The following SHISA9 variants were observed in gnomAD, a reference collection of about 807,000 sequenced individuals.
SHISA9 encodes the protein shisa family member 9.
A neutral mutation model predicts 38.0 loss-of-function variants in SHISA9; 13 were observed. The ratio of observed to expected loss-of-function variants is 0.34; its 90% CI spans 0.22 to 0.54. The LOEUF is 0.54. Among genes scored for constraint, SHISA9 ranks in the 20% least tolerant of loss-of-function variants. SHISA9 has a pLI of 0.91. For missense variants in SHISA9, 538 were observed against 575.8 expected, an observed-to-expected ratio of 0.93 and a Z score of 0.67; for synonymous variants, 275 against 242.0, an observed-to-expected ratio of 1.14 and a Z score of -1.27.
intron 2 of SHISA9, among the ~76,000 whole-genome samples, chr16:13,186,547 C>G (rs901337655): frequency 4.6e-5 from 7 of 152,126 alleles, no homozygotes; most frequent in African/African-American, 1.7e-4. Flanking sequence ...ACACCCGCCT[C>G]TGCCTCCCAA....
At chr16:13,293,676 T>C in the SHISA9 span, among the ~76,000 whole-genome samples, 1 of 152,246 alleles carries the variant, frequency 6.6e-6, no homozygotes, top group African/African-American at 2.4e-5. Context: ...CAGTCTAAGT[T>C]GAAGCCAACA....
intron 2 of SHISA9, among the ~76,000 whole-genome samples, chr16:13,037,306 C>G (rs950902080): frequency 2.0e-5 from 3 of 151,980 alleles, no homozygotes; most frequent in Non-Finnish European, 2.9e-5. Flanking sequence ...TACATTTTCC[C>G]AAGCCTCTGG....
the SHISA9 span, among the ~76,000 whole-genome samples, chr16:13,407,072 A>C: frequency 1.7e-5 from 1 of 59,048 alleles, no homozygotes; most frequent in East Asian, 3.3e-4. Context: ...CTGTCTCACA[A>C]AAAAAAAAAA....
chr16:13,260,228 G>C, the SHISA9 span, among the ~76,000 whole-genome samples: 1 of 151,642 alleles, frequency 6.6e-6, no homozygotes, highest in African/African-American at 2.4e-5. Context: ...GTGTTGGCCA[G>C]GATGGTCTTG....
At chr16:13,253,329 T>C in the SHISA9 span, among the ~76,000 whole-genome samples, 1 of 152,176 alleles carries the variant, frequency 6.6e-6, no homozygotes, top group Non-Finnish European at 1.5e-5. Context: ...GTGCATCTCT[T>C]CTACTATCAT....
At chr16:13,545,812 A>G in the SHISA9 span, among the ~76,000 whole-genome samples, 8 of 152,138 alleles carry the variant, frequency 5.3e-5, no homozygotes, top group Non-Finnish European at 1.2e-4. Flanking sequence ...CGCTTCTACT[A>G]TCACACGGTG....
chr16:13,299,819 C>T, the SHISA9 span, among the ~76,000 whole-genome samples: 1 of 152,156 alleles, frequency 6.6e-6, no homozygotes, highest in Non-Finnish European at 1.5e-5. Context: ...TTTGCTATGC[C>T]ACTCCCTGCT....
intron 2 of SHISA9, among the ~76,000 whole-genome samples, chr16:12,940,920 A>C (rs575774811): frequency 2.6e-4 from 39 of 152,328 alleles, no homozygotes; most frequent in African/African-American, 8.9e-4. Context: ...CAAAAGAAAG[A>C]AACAAAACAA....
chr16:13,314,613 G>A, the SHISA9 span, among the ~76,000 whole-genome samples: 1 of 151,926 alleles, frequency 6.6e-6, no homozygotes, highest in Non-Finnish European at 1.5e-5. Flanking sequence ...TACATTTAAT[G>A]AATACAGTTT....
rs539545862 is a variant in SHISA9, at chr16:13,089,353, C to T, written c.692-114041C>T. Among the ~76,000 whole-genome samples the T allele has an allele frequency of 1.2e-3, 188 of 152,284 alleles. 1 individual carries two copies. The highest frequency in any genetic ancestry group is 2.3e-3 in the Non-Finnish European group (156 of 68,020). On this transcript the variant is annotated intron_variant, in intron 2 of 4. Coordinates refer to ENST00000558583, the MANE Select transcript of SHISA9 (RefSeq NM_001145204.3). ...GGAGGATTCCCTCTTTTTCTATTGACTGGAGTACTTTCCGAAGGAATGGTA... is the reference window on the plus strand; with the variant it reads ...GGAGGATTCCCTCTTTTTCTATTGATTGGAGTACTTTCCGAAGGAATGGTA...
chr16:13,244,034 G>T (rs534389637), downstream of SHISA9, among the ~76,000 whole-genome samples: 2 of 152,110 alleles, frequency 1.3e-5, no homozygotes, highest in African/African-American at 2.4e-5. Flanking sequence ...GCCTCCCAAA[G>T]TGCTGGGATT....
chr16:13,262,674 G>GGAAGGA, the SHISA9 span, among the ~76,000 whole-genome samples: 27 of 46,976 alleles, frequency 5.7e-4, no homozygotes, highest in African/African-American at 8.0e-4. Context: ...GGAAGGAAGG[G>GGAAGGA]AGGGAGGAAG....
chr16:13,550,757 C>T, the SHISA9 span, among the ~76,000 whole-genome samples: 16 of 152,330 alleles, frequency 1.1e-4, no homozygotes, highest in East Asian at 2.7e-3. Context: ...AGTTTTCCCT[C>T]TCAGTTTACA....
the SHISA9 span, among the ~76,000 whole-genome samples, chr16:13,407,040 C>T: frequency 7.5e-6 from 1 of 134,078 alleles, no homozygotes; most frequent in African/African-American, 3.0e-5. Context: ...TGCATGCCAG[C>T]CTGGGCAACA....
At chr16:13,188,405 C>T (rs1235190243) in intron 2 of SHISA9, among the ~76,000 whole-genome samples, 4 of 152,160 alleles carry the variant, frequency 2.6e-5, no homozygotes, top group Admixed American at 1.3e-4. Flanking sequence ...AGGAGATGGA[C>T]ATCCGTCCTG....
chr16:13,505,550 G>A, the SHISA9 span, among the ~76,000 whole-genome samples: 38 of 152,352 alleles, frequency 2.5e-4, no homozygotes, highest in African/African-American at 9.1e-4. Flanking sequence ...AGCAATAGCA[G>A]TAATTAAAAT....
chr16:13,342,445 G>A, the SHISA9 span, among the ~76,000 whole-genome samples: 1 of 152,088 alleles, frequency 6.6e-6, no homozygotes, highest in Non-Finnish European at 1.5e-5. Flanking sequence ...GTGCCACCAT[G>A]TCCAGCTAAT....
At chr16:12,963,362 A>G (rs1479908226) in intron 2 of SHISA9, among the ~76,000 whole-genome samples, 1 of 152,188 alleles carries the variant, frequency 6.6e-6, no homozygotes, top group Non-Finnish European at 1.5e-5. Flanking sequence ...CCAAATGTGT[A>G]TGCAACATGG....
At chr16:13,302,185 A>G in the SHISA9 span, among the ~76,000 whole-genome samples, 1 of 152,186 alleles carries the variant, frequency 6.6e-6, no homozygotes, top group African/African-American at 2.4e-5. Context: ...GGAAAGCCAG[A>G]AAACTATTTA....
Sources: gnomAD v4.1 joint callset for allele counts (sites outside exome capture counted in the v4.1 genomes callset) on GRCh38, gnomAD v4.1.1 for gene constraint, MANE v1.5 for transcripts, NCBI Gene and HGNC (gene_info 2026-07-23, HGNC 2026-07-21) for gene names.